ROBO1: variants seen among roughly 807,000 people sequenced by gnomAD.
ROBO1 encodes roundabout homolog 1.
ROBO1 carries 149 observed loss-of-function variants against 195.9 expected under a neutral mutation model. The observed-to-expected ratio is 0.76, with a 90% CI of 0.67 to 0.87. The LOEUF (loss-of-function observed/expected upper bound fraction) is 0.87, where lower values mean the gene tolerates loss of function less well. Ranked by LOEUF, ROBO1 falls within the 40% of genes least tolerant of loss-of-function variation. The pLI is 0.00. For missense variants in ROBO1, 1,933 were observed against 2,068.3 expected (o/e 0.93, Z 1.27); for synonymous variants, 816 against 733.2 (o/e 1.11, Z -1.82).
intron 2 of ROBO1, among the ~76,000 whole-genome samples, chr3:79,245,429 A>G (rs1449181797): frequency 1.3e-5 from 2 of 152,072 alleles, no homozygotes; most frequent in African/African-American, 4.8e-5. Context: ...CCTAGTGCTA[A>G]TTTATGCATT....
intron 1 of ROBO1, among the ~76,000 whole-genome samples, chr3:79,720,457 G>A (rs1383594931): frequency 6.6e-6 from 1 of 152,168 alleles, no homozygotes; most frequent in African/African-American, 2.4e-5. Context: ...CACCTCATGA[G>A]AGAGACCTCA....
At chr3:79,710,369 G>A (rs918735312) in intron 1 of ROBO1, among the ~76,000 whole-genome samples, 4 of 130,488 alleles carry the variant, frequency 3.1e-5, no homozygotes, top group Non-Finnish European at 4.9e-5. Flanking sequence ...CAGAAATTAA[G>A]GACCTGTCAC....
At chr3:78,752,601 A>G (rs939045052) in intron 4 of ROBO1, among the ~76,000 whole-genome samples, 25 of 152,182 alleles carry the variant, frequency 1.6e-4, no homozygotes, top group Non-Finnish European at 3.4e-4. Flanking sequence ...AAATTTCTTA[A>G]TATTTATTAA....
chr3:79,645,223 TG>T (rs1945783463), intron 1 of ROBO1, among the ~76,000 whole-genome samples: 1 of 152,004 alleles, frequency 6.6e-6, no homozygotes, highest in African/African-American at 2.4e-5. Flanking sequence ...GAGTAGAGGC[TG>T]GGCATAGTGG....
chr3:79,420,628 T>G (rs1199954353), intron 2 of ROBO1, among the ~76,000 whole-genome samples: 1 of 152,164 alleles, frequency 6.6e-6, no homozygotes, highest in Non-Finnish European at 1.5e-5. Flanking sequence ...ACTACTTGAA[T>G]CTGAGTTAGC....
At chr3:79,211,857 C>T (rs2081971066) in intron 2 of ROBO1, among the ~76,000 whole-genome samples, 1 of 152,208 alleles carries the variant, frequency 6.6e-6, no homozygotes, top group East Asian at 1.9e-4. Flanking sequence ...AGAAATATAG[C>T]GGTGTGGAGT....
intron 1 of ROBO1, among the ~76,000 whole-genome samples, chr3:79,609,602 A>G (rs1944592968): frequency 6.6e-6 from 1 of 152,012 alleles, no homozygotes; most frequent in Non-Finnish European, 1.5e-5. Context: ...AAATTTACCC[A>G]TATGTCCATG....
At chr3:79,748,885 A>G (rs1207122093) in intron 1 of ROBO1, among the ~76,000 whole-genome samples, 1 of 152,192 alleles carries the variant, frequency 6.6e-6, no homozygotes, top group Non-Finnish European at 1.5e-5. Flanking sequence ...AGTCTCAGGC[A>G]TGTCTTCATC....
intron 2 of ROBO1, among the ~76,000 whole-genome samples, chr3:79,467,473 A>G (rs1331739632): frequency 2.0e-5 from 3 of 151,448 alleles, no homozygotes; most frequent in Non-Finnish European, 4.4e-5. Flanking sequence ...GCAGACAAGC[A>G]GAAGAGCAAA....
chr3:79,247,455 T>C (rs1022611236), intron 2 of ROBO1, among the ~76,000 whole-genome samples: 5 of 151,748 alleles, frequency 3.3e-5, no homozygotes, highest in African/African-American at 1.2e-4. Flanking sequence ...TTAGGACTTG[T>C]CAACAATTGA....
intron 4 of ROBO1, among the ~76,000 whole-genome samples, chr3:78,849,775 A>G (rs1414756584): frequency 6.6e-6 from 1 of 151,754 alleles, no homozygotes; most frequent in Non-Finnish European, 1.5e-5. Flanking sequence ...TTTCAGACAG[A>G]TAAGACTAGA....
intron 1 of ROBO1, among the ~76,000 whole-genome samples, chr3:79,676,198 A>G (rs548034853): frequency 6.6e-6 from 1 of 152,140 alleles, no homozygotes; most frequent in African/African-American, 2.4e-5. Context: ...AAATAACTCC[A>G]TGATTTATAT....
chr3:78,833,266 C>T (rs1335297107), intron 4 of ROBO1, among the ~76,000 whole-genome samples: 2 of 152,162 alleles, frequency 1.3e-5, no homozygotes, highest in Admixed American at 6.5e-5. Flanking sequence ...TAAAGTAAGC[C>T]GTGTTTCACA....
At chr3:79,730,918 C>A (rs1703122335) in intron 1 of ROBO1, among the ~76,000 whole-genome samples, 1 of 151,856 alleles carries the variant, frequency 6.6e-6, no homozygotes, top group African/African-American at 2.4e-5. Context: ...GCTGGGACTA[C>A]AGGTGCCCGC....
chr3:79,173,600 C>A (rs2081207188), intron 2 of ROBO1, among the ~76,000 whole-genome samples: 1 of 152,108 alleles, frequency 6.6e-6, no homozygotes, highest in Admixed American at 6.5e-5. Context: ...CATGCCTGAG[C>A]CTCCCCCACT....
chr3:78,629,541 A>G (rs897158994), intron 25 of ROBO1, among the ~76,000 whole-genome samples: 7 of 152,042 alleles, frequency 4.6e-5, no homozygotes, highest in African/African-American at 1.7e-4. Flanking sequence ...AAAAATAAAA[A>G]TAAACTTAGC....
intron 2 of ROBO1, among the ~76,000 whole-genome samples, chr3:79,421,263 T>G (rs1440784656): frequency 6.6e-6 from 1 of 152,010 alleles, no homozygotes; most frequent in Non-Finnish European, 1.5e-5. Flanking sequence ...AAAAATTACC[T>G]ATTGGGTACT....
chr3:79,472,344 T>A (rs1410550608), intron 2 of ROBO1, among the ~76,000 whole-genome samples: 3 of 152,130 alleles, frequency 2.0e-5, no homozygotes, highest in Admixed American at 1.3e-4. Context: ...AGAAGTCAGA[T>A]GTCCCTCTTT....
At chr3:79,502,078 G>A (rs1384550380) in intron 2 of ROBO1, among the ~76,000 whole-genome samples, 2 of 152,218 alleles carry the variant, frequency 1.3e-5, no homozygotes, top group South Asian at 2.1e-4. Flanking sequence ...TACAAAGTGA[G>A]AGGTGACAGC....
Sources: gnomAD v4.1 joint callset for allele counts (sites outside exome capture counted in the v4.1 genomes callset) on GRCh38, gnomAD v4.1.1 for gene constraint, MANE v1.5 for transcripts, NCBI Gene and HGNC (gene_info 2026-07-23, HGNC 2026-07-21) for gene names.